Variants in NBPF10 observed in about 807,000 individuals in gnomAD.
The protein encoded by NBPF10 is NBPF family member NBPF10.
In NBPF10, 63 loss-of-function variants were observed where a neutral mutation model predicts 77.9. The observed-to-expected ratio is 0.81, with a 90% confidence interval of 0.66 to 1.00. The LOEUF (loss-of-function observed/expected upper bound fraction) is 1.00, where lower values mean the gene tolerates loss of function less well. Among genes scored for constraint, NBPF10 ranks in the 50% least tolerant of loss-of-function variants. NBPF10 has a pLI of 0.00. For missense variants in NBPF10, 522 were observed against 679.8 expected (o/e 0.77, Z 2.58); for synonymous variants, 146 against 264.5 (o/e 0.55, Z 4.35).
chr1:146,136,732 T>C (rs1472542394), intron 6 of NBPF10, among the ~76,000 whole-genome samples: 1 of 144,620 alleles, frequency 6.9e-6, no homozygotes, highest in Non-Finnish European at 1.5e-5. Flanking sequence ...TCACAGTCCC[T>C]GAGGTCTGAC....
Position 146,069,733 on chromosome 1 carries a change from A to C in NBPF10, c.10638-18T>G. Reference sequence around the variant, plus strand: ...TGCTGAGCCTGGAAAAGTGGGAAAAAGTAAAGAATAAGCCAGGGGGAATCA... The same window carrying C: ...TGCTGAGCCTGGAAAAGTGGGAAAACGTAAAGAATAAGCCAGGGGGAATCA... On this transcript the variant is annotated intron_variant, in intron 85 of 89. Transcript: ENST00000583866. The C allele has an allele frequency of 1.4e-6, 1 of 716,212 alleles. No individual in the cohort carries two copies. Among genetic ancestry groups the C allele is most frequent in the African/African-American group, 2.3e-5 (1 of 43,138 alleles). 44.4% of individuals were successfully genotyped at this position (716,212 alleles called of 1,614,324 possible). A position where few individuals can be genotyped will look rare whatever the true frequency, so the allele number is the denominator to read the frequency against.
intron 88 of NBPF10, among the ~76,000 whole-genome samples, 156 bp downstream of exon 88, chr1:146,067,847 G>C (rs1161406130): frequency 1.3e-5 from 2 of 151,788 alleles, no homozygotes; most frequent in African/African-American, 4.8e-5. Context: ...TAGGCTTCCA[G>C]CTGAGACTAC....
chr1:146,066,759 G>C (rs1449547588), intron 89 of NBPF10, among the ~76,000 whole-genome samples, 198 bp from the exon 90 acceptor site: 1 of 151,106 alleles, frequency 6.6e-6, no homozygotes, highest in Non-Finnish European at 1.5e-5. Flanking sequence ...GAGAAAGACA[G>C]AGAGAGAGAG....
In NBPF10 at chr1:146,126,190, C is replaced by T. The variant is rs1553789825; in HGVS notation, c.2026+46G>A. The T allele has an allele frequency of 3.8e-6, 4 of 1,045,516 alleles. 1 individual carries two copies. The highest frequency in any genetic ancestry group is 4.7e-5 in the East Asian group (2 of 42,250). The allele number at this position is 1,045,516 out of a possible 1,614,324, so 64.8% of individuals were successfully genotyped here. A position where few individuals can be genotyped will look rare whatever the true frequency, so the allele number is the denominator to read the frequency against. ...CTTGCAGTAGGAATATGACCCTAAC[C>T]AGAAGACTCAGTGGATCCTTATCAC... On this transcript the variant is annotated intron_variant, in intron 14 of 89. Coordinates refer to ENST00000583866, the Ensembl canonical transcript of NBPF10.
rs781938416 is a variant in NBPF10 at position 146,134,280 on chromosome 1, G to A, written c.1307-15C>T. 3 of 1,603,102 alleles carry A rather than the reference G, an allele frequency of 1.9e-6. No homozygotes were observed. The highest frequency in any genetic ancestry group is 2.5e-6 in the Non-Finnish European group (3 of 1,178,866). On this transcript the variant is annotated splice_polypyrimidine_tract_variant and intron_variant, in intron 8 of 89. Coordinates refer to ENST00000583866, the Ensembl canonical transcript of NBPF10. ...GTTGTCATTTTCTGCAAATACAGAA[G>A]TGTTCGTTCAGGTATTTCCCACTTC...
chr1:146,118,741 C>CAG (rs1343316109), intron 23 of NBPF10, among the ~76,000 whole-genome samples, 199 bp from the exon 24 acceptor site: 2 of 4,794 alleles, frequency 4.2e-4, no homozygotes, highest in Non-Finnish European at 7.5e-4. Flanking sequence ...GACAGATAGA[C>CAG]ACACACACAC....
At chr1:146,123,953 T>C (rs1346748943) in exon 17 of NBPF10, 1 of 237,058 alleles carries the variant, frequency 4.2e-6, no homozygotes, top group Non-Finnish European at 7.3e-6. Flanking sequence ...CTTGGTCTTC[T>C]TCCTCTTCTT....
At chr1:146,139,303 G>T (rs1215295348) in intron 5 of NBPF10, among the ~76,000 whole-genome samples, 1 of 151,666 alleles carries the variant, frequency 6.6e-6, no homozygotes, top group African/African-American at 2.4e-5. Flanking sequence ...TAAAGACGGG[G>T]TTTCACCGTG....
intron 6 of NBPF10, among the ~76,000 whole-genome samples, chr1:146,137,685 G>A (rs57718187): frequency 5.1e-5 from 7 of 136,604 alleles, no homozygotes; most frequent in Non-Finnish European, 8.1e-5. Flanking sequence ...CACCATGCAC[G>A]GCCCCTACTC....
chr1:146,068,397 T>A (rs1166534804), intron 87 of NBPF10, among the ~76,000 whole-genome samples: 5 of 16,836 alleles, frequency 3.0e-4, no homozygotes, highest in South Asian at 2.1e-3. Context: ...GAGGAGAAAG[T>A]GAGATCAGCG....
chr1:146,091,194 A>C (rs1656870870), intron 58 of NBPF10, among the ~76,000 whole-genome samples: 1 of 47,344 alleles, frequency 2.1e-5, no homozygotes, highest in African/African-American at 1.3e-4. Flanking sequence ...GTTATGCTTT[A>C]TTGTTCCCAT....
exon 90 of NBPF10, chr1:146,066,409 C>A (rs1475010216): frequency 4.8e-6 from 4 of 831,212 alleles, no homozygotes; most frequent in Middle Eastern, 3.5e-4. Flanking sequence ...AAGGGCGAAG[C>A]TGATGTGCTG....
chr1:146,067,624 G>C (rs1434958632), intron 88 of NBPF10, among the ~76,000 whole-genome samples: 3 of 150,206 alleles, frequency 2.0e-5, no homozygotes, highest in African/African-American at 4.9e-5. Flanking sequence ...ATTTAGCCCT[G>C]TCTCATCAAA....
At chr1:146,069,942 A>G (rs1655664561) in intron 85 of NBPF10, among the ~76,000 whole-genome samples, 4 of 101,482 alleles carry the variant, frequency 3.9e-5, no homozygotes, top group African/African-American at 1.4e-4. Context: ...ACAGAGAGAA[A>G]GTGACCTAGT....
intron 14 of NBPF10, among the ~76,000 whole-genome samples, 182 bp downstream of exon 14, chr1:146,126,054 A>C (rs4068445): frequency 4.0e-5 from 6 of 151,722 alleles, no homozygotes; most frequent in Non-Finnish European, 8.8e-5. Context: ...AGCCTTGCTC[A>C]CTGACCCATC....
Position 146,115,516 on chromosome 1 carries a change from C to T in NBPF10, c.3543-114G>A. 7.5e-5 allele frequency: 4 copies of T among 53,534 alleles called. 2 individuals are homozygous for T. Among genetic ancestry groups the T allele is most frequent in the South Asian group, 3.9e-4 (4 of 10,162 alleles). 3.3% of individuals were successfully genotyped at this position (53,534 alleles called of 1,614,324 possible). A position where few individuals can be genotyped will look rare whatever the true frequency, so the allele number is the denominator to read the frequency against. ...TGTTTAAAAAGAAAAAGGACAGATC[C>T]GTTAATGAGGTAATGAATTATTGCC... On this transcript the variant is annotated intron_variant, in intron 27 of 89. Coordinates refer to ENST00000583866, the Ensembl canonical transcript of NBPF10.
chr1:146,121,872 G>A (rs1658214694), intron 19 of NBPF10, among the ~76,000 whole-genome samples: 2 of 142,754 alleles, frequency 1.4e-5, no homozygotes, highest in East Asian at 4.5e-4. Context: ...GAGAGAGAGA[G>A]ACAGAGACAG....
At chr1:146,130,789 G>A (rs1434044524) in intron 11 of NBPF10, among the ~76,000 whole-genome samples, 444 of 122,630 alleles carry the variant, frequency 3.6e-3, no homozygotes, top group Middle Eastern at 0.013. Context: ...GACCATTGAC[G>A]CTAGGAAGAA....
At chr1:146,067,802 G>C (rs587635099) in intron 88 of NBPF10, among the ~76,000 whole-genome samples, 2 of 151,848 alleles carry the variant, frequency 1.3e-5, no homozygotes, top group Non-Finnish European at 2.9e-5. Context: ...CCTGAGACTA[G>C]GAAGAGAGTC....
Sources: gnomAD v4.1 joint callset for allele counts (sites outside exome capture counted in the v4.1 genomes callset) on GRCh38, gnomAD v4.1.1 for gene constraint, MANE v1.5 for transcripts, NCBI Gene and HGNC (gene_info 2026-07-23, HGNC 2026-07-21) for gene names.